Variants in BANK1 observed in about 807,000 individuals in gnomAD.
BANK1 encodes B-cell scaffold protein with ankyrin repeats.
In BANK1, 95 loss-of-function variants were observed where a neutral mutation model predicts 94.5. The observed-to-expected ratio is 1.00, with a 90% CI of 0.85 to 1.19. The LOEUF is 1.19. Among genes scored for constraint, BANK1 ranks in the 50% most tolerant of loss-of-function variants. The probability of loss-of-function intolerance (pLI) is 0.00; values close to 1 mark genes in which losing one functional copy is unlikely to be tolerated. For synonymous variants in BANK1, 334 were observed against 308.4 expected, an observed-to-expected ratio of 1.08 and a Z score of -0.87; for missense variants, 987 against 932.2, an observed-to-expected ratio of 1.06 and a Z score of -0.77.
intron 7 of BANK1, among the ~76,000 whole-genome samples, chr4:101,957,663 A>G (rs1029218820): frequency 6.6e-6 from 1 of 152,188 alleles, no homozygotes; most frequent in Non-Finnish European, 1.5e-5. Context: ...TTTCCACTTA[A>G]AGAGAGAAAA....
intron 1 of BANK1, among the ~76,000 whole-genome samples, chr4:101,817,857 G>A (rs983328442): frequency 1.3e-5 from 2 of 149,438 alleles, no homozygotes; most frequent in Non-Finnish European, 3.0e-5. Context: ...TTTTTTTTTA[G>A]CTCATCAGCT....
chr4:102,008,388 C>A (rs184323205), intron 7 of BANK1, among the ~76,000 whole-genome samples: 1 of 152,306 alleles, frequency 6.6e-6, no homozygotes, highest in Non-Finnish European at 1.5e-5. Context: ...ATCAAGGTCT[C>A]ACATCATGAA....
chr4:101,857,611 C>T (rs1385969974), intron 3 of BANK1, among the ~76,000 whole-genome samples: 23 of 152,176 alleles, frequency 1.5e-4, no homozygotes. Flanking sequence ...TGTCACTCTT[C>T]CTAGCACTGC....
chr4:102,015,294 G>A (rs1342245233), intron 7 of BANK1, among the ~76,000 whole-genome samples: 1 of 151,334 alleles, frequency 6.6e-6, no homozygotes, highest in Admixed American at 6.6e-5. Flanking sequence ...ACTTAATTTT[G>A]ACTTTGTACT....
At chr4:101,982,607 T>C (rs1725358639) in intron 7 of BANK1, among the ~76,000 whole-genome samples, 1 of 152,014 alleles carries the variant, frequency 6.6e-6, no homozygotes, top group Non-Finnish European at 1.5e-5. Flanking sequence ...CAAAAGTACT[T>C]ACTATAGTAC....
At chr4:101,944,366 A>G (rs1365489838) in intron 7 of BANK1, among the ~76,000 whole-genome samples, 2 of 151,916 alleles carry the variant, frequency 1.3e-5, no homozygotes, top group Non-Finnish European at 2.9e-5. Flanking sequence ...CAATATCTCC[A>G]TGATCTCCCT....
chr4:102,060,535 T>A (rs1474313185), intron 12 of BANK1, 146 bp downstream of exon 12: 41 of 911,378 alleles, frequency 4.5e-5, no homozygotes, highest in Non-Finnish European at 1.6e-6. Context: ...AATCAAATAA[T>A]GTTTGAAAAT....
intron 6 of BANK1, among the ~76,000 whole-genome samples, chr4:101,898,864 G>C (rs1168173322): frequency 6.6e-6 from 1 of 151,858 alleles, no homozygotes; most frequent in Non-Finnish European, 1.5e-5. Flanking sequence ...GGAAATAAGA[G>C]GGAAAATACA....
chr4:101,839,525 C>T (rs1726953048), intron 2 of BANK1, among the ~76,000 whole-genome samples: 1 of 152,088 alleles, frequency 6.6e-6, no homozygotes, highest in African/African-American at 2.4e-5. Context: ...TATGAGGAAG[C>T]TTACTCTTAT....
chr4:101,909,481 T>A (rs1356745056), intron 6 of BANK1, among the ~76,000 whole-genome samples: 3 of 152,146 alleles, frequency 2.0e-5, no homozygotes, highest in Non-Finnish European at 4.4e-5. Flanking sequence ...ACATGGCACA[T>A]GTATACATAT....
intron 2 of BANK1, among the ~76,000 whole-genome samples, chr4:101,846,857 G>A (rs901096008): frequency 1.3e-5 from 2 of 152,164 alleles, no homozygotes; most frequent in Admixed American, 1.3e-4. Context: ...AGTGATCAAG[G>A]TTCTCTGAAG....
intron 7 of BANK1, among the ~76,000 whole-genome samples, chr4:101,997,534 T>C (rs1311917701): frequency 3.9e-5 from 6 of 152,068 alleles, no homozygotes. Flanking sequence ...AATTTAGCTG[T>C]GAATCCATCT....
At chr4:101,996,636 G>A (rs1725889394) in intron 7 of BANK1, among the ~76,000 whole-genome samples, 2 of 152,054 alleles carry the variant, frequency 1.3e-5, no homozygotes, top group African/African-American at 4.8e-5. Flanking sequence ...CTTGAAGAGA[G>A]GTCCTTCACA....
intron 11 of BANK1, among the ~76,000 whole-genome samples, chr4:102,055,045 C>T (rs562760045): frequency 1.3e-4 from 20 of 151,860 alleles, no homozygotes; most frequent in Non-Finnish European, 2.5e-4. Flanking sequence ...GATACATCCC[C>T]GAAAATACCA....
chr4:101,853,868 G>A (rs1292502895), intron 2 of BANK1, among the ~76,000 whole-genome samples: 1 of 152,094 alleles, frequency 6.6e-6, no homozygotes, highest in Admixed American at 6.6e-5. Context: ...TGCTAAAGAA[G>A]CAGTCATTCA....
At chr4:101,848,914 A>G (rs558754031) in intron 2 of BANK1, among the ~76,000 whole-genome samples, 2 of 152,170 alleles carry the variant, frequency 1.3e-5, no homozygotes, top group South Asian at 4.1e-4. Flanking sequence ...TCTCCCTTTC[A>G]GCGATGCAAT....
chr4:101,909,207 C>G (rs1363758290), intron 6 of BANK1, among the ~76,000 whole-genome samples: 3 of 152,116 alleles, frequency 2.0e-5, no homozygotes, highest in Non-Finnish European at 4.4e-5. Flanking sequence ...GAATACTATG[C>G]AGCCATAAAA....
Position 101,838,092 on chromosome 4 carries a change from T to C in BANK1, c.469+7886T>C, listed in dbSNP as rs551776662. Among the ~76,000 whole-genome samples the C allele has an allele frequency of 5.1e-4, 77 of 152,268 alleles. 1 individual carries two copies. The highest frequency in any genetic ancestry group is 1.8e-3 in the African/African-American group (73 of 41,556). ...CTTGTGCCTCAGCCTCCTGAGTAGC[T>C]GGGATTACAGGTGTGTGCTACGCCC... On this transcript the variant is annotated intron_variant, in intron 2 of 16. Transcript: ENST00000322953.
chr4:102,050,455 G>T (rs546298174), intron 11 of BANK1, among the ~76,000 whole-genome samples: 3 of 152,112 alleles, frequency 2.0e-5, no homozygotes, highest in Non-Finnish European at 4.4e-5. Flanking sequence ...ACTAAAAGTC[G>T]AATAGATGAG....
Sources: allele counts gnomAD v4.1 joint callset (sites outside exome capture counted in the v4.1 genomes callset), GRCh38; gene constraint gnomAD v4.1.1; transcripts MANE v1.5; gene names NCBI Gene and HGNC (gene_info 2026-07-23, HGNC 2026-07-21).